Variants in KMT5A observed in about 807,000 individuals in gnomAD.
KMT5A encodes the protein N-lysine methyltransferase KMT5A.
A neutral mutation model predicts 40.6 loss-of-function variants in KMT5A; 6 were observed. The ratio of observed to expected loss-of-function variants is 0.15; its 90% CI spans 0.08 to 0.29. The LOEUF is 0.29. KMT5A is among the 10% of genes least tolerant of loss of function. The pLI, the probability that KMT5A is intolerant of heterozygous loss-of-function variation, is 1.00. For missense variants in KMT5A, 308 were observed against 459.1 expected (o/e 0.67, Z 3.01); for synonymous variants, 153 against 178.8 (o/e 0.86, Z 1.15).
chr12:123,406,631 C>A (rs1878576578), intron 7 of KMT5A, among the ~76,000 whole-genome samples: 1 of 151,972 alleles, frequency 6.6e-6, no homozygotes, highest in South Asian at 2.1e-4. Flanking sequence ...TTTTTTTAAT[C>A]CATTTATTTT....
At chr12:123,398,635 TG>T (rs571793582) in intron 5 of KMT5A, among the ~76,000 whole-genome samples, 14 of 152,322 alleles carry the variant, frequency 9.2e-5, no homozygotes, top group African/African-American at 2.9e-4. Flanking sequence ...TGCCCCCCAC[TG>T]TTTGTGTTGG....
intron 5 of KMT5A, among the ~76,000 whole-genome samples, chr12:123,398,085 C>T (rs550834152): frequency 6.6e-6 from 1 of 151,794 alleles, no homozygotes; most frequent in African/African-American, 2.4e-5. Flanking sequence ...GAGTTCGAGA[C>T]CAGCCTGGCC....
intron 1 of KMT5A, among the ~76,000 whole-genome samples, chr12:123,385,749 G>A (rs529359954): frequency 4.6e-5 from 7 of 152,236 alleles, no homozygotes; most frequent in South Asian, 2.1e-4. Flanking sequence ...TACTTGGGAG[G>A]CTGAGGCAGG....
At chr12:123,391,224 C>T (rs1841857983) in intron 3 of KMT5A, 2 of 159,196 alleles carry the variant, frequency 1.3e-5, no homozygotes, top group Non-Finnish European at 2.8e-5. Flanking sequence ...GACGGATTTC[C>T]GCTCTCGTCC....
chr12:123,385,152 T>G (rs1163908117), intron 1 of KMT5A, among the ~76,000 whole-genome samples: 1 of 152,152 alleles, frequency 6.6e-6, no homozygotes, highest in Non-Finnish European at 1.5e-5. Flanking sequence ...ATGAATAAAA[T>G]AATGATTCAT....
chr12:123,393,144 C>G (rs1877434325), intron 3 of KMT5A, among the ~76,000 whole-genome samples: 1 of 152,202 alleles, frequency 6.6e-6, no homozygotes, highest in South Asian at 2.1e-4. Flanking sequence ...TCCCAAAGTG[C>G]TGGGATTACA....
At chr12:123,386,394 T>C (rs2139151991) in intron 1 of KMT5A, among the ~76,000 whole-genome samples, 1 of 152,118 alleles carries the variant, frequency 6.6e-6, no homozygotes, top group Non-Finnish European at 1.5e-5. Context: ...TTTTGTATTT[T>C]TAGTAGAGAC....
In KMT5A at chr12:123,384,339, T is replaced by TG; in HGVS notation, c.10+137dup. 2.3e-6 allele frequency: 3 copies of TG among 1,286,030 alleles called. No homozygotes were observed. Among genetic ancestry groups the TG allele is most frequent in the Admixed American group, 2.1e-5 (1 of 48,690 alleles). 79.7% of individuals were successfully genotyped at this position (1,286,030 alleles called of 1,614,324 possible). ...CTCGGGGCAAGCTTGGGGACCCGCG[T>TG]GGGGGGAGAGGGGGTGCTGCTGCGG... On this transcript the variant is annotated intron_variant, in intron 1 of 7. Transcript: ENST00000402868. This position sits in a 1 kb window ranked among gnomAD's most constrained non-coding sequence, Gnocchi z 5.7.
intron 7 of KMT5A, among the ~76,000 whole-genome samples, chr12:123,406,511 A>G (rs1593477561): frequency 6.6e-6 from 1 of 151,908 alleles, no homozygotes; most frequent in Admixed American, 6.6e-5. Context: ...ACAGCGTTTC[A>G]CCATGGTGGC....
intron 7 of KMT5A, among the ~76,000 whole-genome samples, chr12:123,406,001 A>C (rs978955573): frequency 2.0e-5 from 3 of 151,732 alleles, no homozygotes; most frequent in Non-Finnish European, 4.4e-5. Flanking sequence ...TTGTATTTTT[A>C]GTAGAGATGG....
At position 123,389,684 on chromosome 12, in the gene KMT5A, G is replaced by A. The variant is rs949492994; in HGVS notation, c.132+130G>A. On this transcript the variant is annotated intron_variant, in intron 2 of 7. Transcript: ENST00000402868. Reference sequence around the variant, plus strand: ...TTCCTTTGCTGCCGCCTGGCTGGGAGTGGCGCCCACACGGCTCCGCCATGA... The same window carrying A: ...TTCCTTTGCTGCCGCCTGGCTGGGAATGGCGCCCACACGGCTCCGCCATGA... 1.7e-5 allele frequency: 11 copies of A among 657,588 alleles called. No individual in the cohort carries two copies. In the African/African-American group the frequency reaches 2.0e-4, roughly 12 times the overall value. 40.7% of individuals were successfully genotyped at this position (657,588 alleles called of 1,614,324 possible). A position where few individuals can be genotyped will look rare whatever the true frequency, so the allele number is the denominator to read the frequency against.
At chr12:123,389,637 C>T (rs1416742366) in intron 2 of KMT5A, 83 bp downstream of exon 2, 2 of 968,310 alleles carry the variant, frequency 2.1e-6, no homozygotes. Flanking sequence ...GGGTACCCGC[C>T]CGGGGCGCCC....
intron 4 of KMT5A, among the ~76,000 whole-genome samples, chr12:123,395,478 C>T (rs1877646860): frequency 6.6e-6 from 1 of 152,056 alleles, no homozygotes; most frequent in South Asian, 2.1e-4. Context: ...CCTCTCCTTC[C>T]TCCCCTCCTT....
chr12:123,398,797 G>T (rs368797333), intron 5 of KMT5A, among the ~76,000 whole-genome samples: 3 of 152,248 alleles, frequency 2.0e-5, no homozygotes, highest in East Asian at 3.9e-4. Context: ...TCATCTGAAG[G>T]GTGGGGTCAG....
At position 123,407,765 on chromosome 12, in the gene KMT5A, A is replaced by C. The variant is rs1056038561; in HGVS notation, c.*62A>C. ...TTCTTCAAAGGACAAAGTGCCCTCA[A>C]AGGGAATTGAATTTTTTTTTTACAC... On this transcript the variant is annotated 3_prime_UTR_variant, in exon 8 of 8. Coordinates refer to ENST00000402868, the MANE Select transcript of KMT5A (RefSeq NM_020382.7). 30 of 1,314,456 alleles carry C rather than the reference A, an allele frequency of 2.3e-5. No individual in the cohort carries two copies. In the African/African-American group the frequency reaches 3.7e-4, roughly 16 times the overall value. The allele number at this position is 1,314,456 out of a possible 1,614,324, so 81.4% of individuals were successfully genotyped here.
rs1234238562 is a variant in KMT5A, at chr12:123,384,329, G to A, written c.10+121G>A. 4.3e-6 allele frequency: 6 copies of A among 1,399,770 alleles called. No homozygotes were observed. In the Admixed American group the frequency reaches 1.2e-4, roughly 28 times the overall value. The allele number at this position is 1,399,770 out of a possible 1,614,324, so 86.7% of individuals were successfully genotyped here. ...CCTCGGGTGGCTCGGGGCAAGCTTG[G>A]GGACCCGCGTGGGGGGAGAGGGGGT... On this transcript the variant is annotated intron_variant, in intron 1 of 7. Coordinates refer to ENST00000402868, the MANE Select transcript of KMT5A (RefSeq NM_020382.7). The surrounding 1 kb of genome is among the most constrained non-coding windows in gnomAD (Gnocchi z 5.7).
chr12:123,399,021 C>G (rs1189492531), intron 5 of KMT5A, among the ~76,000 whole-genome samples: 1 of 152,264 alleles, frequency 6.6e-6, no homozygotes, highest in Non-Finnish European at 1.5e-5. Flanking sequence ...GATTTGGACA[C>G]AAGGTGGGCC....
chr12:123,395,273 G>A lies in KMT5A; in HGVS notation c.509+7G>A, dbSNP rs779376475. On this transcript the variant is annotated splice_region_variant and intron_variant, in intron 4 of 7. Transcript: ENST00000402868. The stretch of plus-strand genomic sequence containing the variant: ...AACAGGCCCCCCGAAAAAAGTAAGT[G>A]CCCCATTCAGTCCTCTTCCTAACGT... 3.1e-6 allele frequency: 5 copies of A among 1,611,240 alleles called. No individual in the cohort carries two copies. The East Asian group carries it at 6.7e-5, about 22-fold the overall frequency.
rs1264748750 is a variant in KMT5A at position 123,408,449 on chromosome 12, G to A, written c.*746G>A. ...AACTGGGTTAATTCTTTATAGAAAT[G>A]TGAACACTGAATTTATTTTAAAAAA... On this transcript the variant is annotated 3_prime_UTR_variant, in exon 8 of 8. Transcript: ENST00000402868. The A allele has an allele frequency of 6.6e-6, 1 of 150,972 alleles. No homozygotes were observed. The highest frequency in any genetic ancestry group is 1.5e-5 in the Non-Finnish European group (1 of 67,834). 9.4% of individuals were successfully genotyped at this position (150,972 alleles called of 1,614,324 possible). A position where few individuals can be genotyped will look rare whatever the true frequency, so the allele number is the denominator to read the frequency against.
Sources: allele counts gnomAD v4.1 joint callset (sites outside exome capture counted in the v4.1 genomes callset), GRCh38; gene constraint gnomAD v4.1.1; non-coding constraint Gnocchi (gnomAD v3.1); transcripts MANE v1.5; gene names NCBI Gene and HGNC (gene_info 2026-07-23, HGNC 2026-07-21).